SKAP2: variants seen among roughly 807,000 people sequenced by gnomAD.
SKAP2 encodes src kinase-associated phosphoprotein 2.
Under a neutral mutation model 54.9 loss-of-function variants are expected in SKAP2, and 28 were observed. The observed-to-expected ratio is 0.51, with a 90% CI of 0.38 to 0.70. The LOEUF is 0.70. SKAP2 is among the 30% of genes least tolerant of loss of function. The pLI, the probability that SKAP2 is intolerant of heterozygous loss-of-function variation, is 0.00. For synonymous variants in SKAP2, 137 were observed against 134.3 expected (o/e 1.02, Z -0.14); for missense variants, 356 against 424.1 (o/e 0.84, Z 1.41).
intron 4 of SKAP2, among the ~76,000 whole-genome samples, chr7:26,768,203 A>C (rs1390259891): frequency 6.6e-6 from 1 of 151,596 alleles, no homozygotes; most frequent in African/African-American, 2.4e-5. Flanking sequence ...TCCCTTTACC[A>C]TTATGTAATG....
chr7:26,822,388 T>C (rs1336774992), intron 4 of SKAP2, among the ~76,000 whole-genome samples: 2 of 152,214 alleles, frequency 1.3e-5, no homozygotes, highest in Non-Finnish European at 2.9e-5. Context: ...TGGTGATCTA[T>C]AATCAGTGAT....
intron 4 of SKAP2, among the ~76,000 whole-genome samples, chr7:26,802,499 G>A (rs141373626): frequency 0.085 from 12,928 of 152,020 alleles, 617 homozygotes; most frequent in Middle Eastern, 0.16. Flanking sequence ...TCGAGCTCCC[G>A]ACCTCAGGTG....
the SKAP2 span, among the ~76,000 whole-genome samples, chr7:26,660,708 T>C: frequency 6.6e-6 from 1 of 152,070 alleles, no homozygotes; most frequent in Non-Finnish European, 1.5e-5. Flanking sequence ...AAGTAATAGT[T>C]TCCCAGCTTA....
intron 6 of SKAP2, among the ~76,000 whole-genome samples, chr7:26,733,625 A>G (rs1427446262): frequency 2.0e-5 from 3 of 152,046 alleles, no homozygotes; most frequent in African/African-American, 7.2e-5. Flanking sequence ...TTTCCTATCA[A>G]CGGTGAAGTT....
intron 11 of SKAP2, among the ~76,000 whole-genome samples, chr7:26,673,075 T>A (rs777235149): frequency 1.3e-5 from 2 of 152,026 alleles, no homozygotes; most frequent in Non-Finnish European, 2.9e-5. Context: ...AAGTCACAAG[T>A]GGATCATTTA....
chr7:26,735,767 A>G (rs1325220376), intron 6 of SKAP2, among the ~76,000 whole-genome samples: 1 of 152,166 alleles, frequency 6.6e-6, no homozygotes, highest in Non-Finnish European at 1.5e-5. Context: ...TAATTTCACA[A>G]AAGAAAAAAA....
intron 12 of SKAP2, among the ~76,000 whole-genome samples, 174 bp from the exon 13 acceptor site, chr7:26,669,830 G>T (rs993252048): frequency 6.6e-6 from 1 of 152,138 alleles, no homozygotes; most frequent in African/African-American, 2.4e-5. Context: ...AAAGGAGGAA[G>T]TTTGGGAAAA....
intron 4 of SKAP2, among the ~76,000 whole-genome samples, chr7:26,759,108 A>G (rs1421498156): frequency 6.6e-6 from 1 of 152,234 alleles, no homozygotes; most frequent in Non-Finnish European, 1.5e-5. Flanking sequence ...GTGCCAGGTA[A>G]TAACTAGTAT....
chr7:26,768,656 G>C (rs1783118237), intron 4 of SKAP2, among the ~76,000 whole-genome samples: 1 of 152,114 alleles, frequency 6.6e-6, no homozygotes, highest in Non-Finnish European at 1.5e-5. Flanking sequence ...AGGCCCGGTG[G>C]TGACAAAATC....
chr7:26,682,440 TC>T (rs1261631949), intron 11 of SKAP2, among the ~76,000 whole-genome samples: 1 of 152,208 alleles, frequency 6.6e-6, no homozygotes, highest in Non-Finnish European at 1.5e-5. Context: ...CTCCTTTTTA[TC>T]CTCACCAAGA....
chr7:26,695,422 T>C (rs954355091), intron 9 of SKAP2, among the ~76,000 whole-genome samples: 4 of 152,222 alleles, frequency 2.6e-5, no homozygotes, highest in African/African-American at 9.6e-5. Context: ...ACTTTTATCA[T>C]CACCATTTTA....
chr7:26,846,703 G>A (rs1020519713), intron 3 of SKAP2, among the ~76,000 whole-genome samples: 2 of 152,130 alleles, frequency 1.3e-5, no homozygotes, highest in Non-Finnish European at 1.5e-5. Flanking sequence ...AAAATAGACC[G>A]GGTGCGGTGG....
chr7:26,698,521 C>T (rs1187378868), intron 9 of SKAP2, among the ~76,000 whole-genome samples: 1 of 152,212 alleles, frequency 6.6e-6, no homozygotes, highest in East Asian at 1.9e-4. Flanking sequence ...GTCAGTTGCA[C>T]TAAAGAATGT....
intron 4 of SKAP2, among the ~76,000 whole-genome samples, chr7:26,790,694 G>A (rs958940091): frequency 3.3e-5 from 5 of 151,996 alleles, no homozygotes; most frequent in African/African-American, 9.7e-5. Context: ...TAAAGTATCC[G>A]GGATAAAAGA....
chr7:26,719,658 C>T (rs10262511), intron 9 of SKAP2, among the ~76,000 whole-genome samples: 5,542 of 152,200 alleles, frequency 0.036, 334 homozygotes, highest in African/African-American at 0.13. Context: ...AGAGAAAATG[C>T]TTCCTTCATT....
intron 9 of SKAP2, among the ~76,000 whole-genome samples, chr7:26,718,916 T>G (rs1040825784): frequency 1.7e-4 from 26 of 152,132 alleles, no homozygotes; most frequent in African/African-American, 6.3e-4. Flanking sequence ...AAATGGCTCA[T>G]GCCTGTAATC....
chr7:26,758,397 A>G (rs1041810608), intron 4 of SKAP2, among the ~76,000 whole-genome samples: 16 of 152,230 alleles, frequency 1.1e-4, no homozygotes, highest in African/African-American at 3.9e-4. Context: ...TTTAATCAAT[A>G]CAAGTATAGT....
chr7:26,739,169 TG>T (rs907628273), intron 5 of SKAP2, among the ~76,000 whole-genome samples: 6 of 152,206 alleles, frequency 3.9e-5, no homozygotes, highest in African/African-American at 1.4e-4. Context: ...TTGATCCATC[TG>T]GGTCTCATTT....
downstream of SKAP2, chr7:26,666,974 T>G (rs1009269350): frequency 6.6e-6 from 1 of 152,230 alleles, no homozygotes; most frequent in Non-Finnish European, 1.5e-5. Context: ...TTGTGCTTAA[T>G]TACTACAATC....
Sources: gnomAD v4.1 joint callset for allele counts (sites outside exome capture counted in the v4.1 genomes callset) on GRCh38, gnomAD v4.1.1 for gene constraint, MANE v1.5 for transcripts, NCBI Gene and HGNC (gene_info 2026-07-23, HGNC 2026-07-21) for gene names.